Variants in GARIN1A observed in about 807,000 individuals in gnomAD.
The protein encoded by GARIN1A is golgi associated RAB2 interactor 1A.
At chr7:128,679,551 C>T in the GARIN1A span, among the ~76,000 whole-genome samples, 2 of 152,098 alleles carry the variant, frequency 1.3e-5, no homozygotes. Flanking sequence ...CAAATATTTC[C>T]TCAAGTATTT....
chr7:128,694,333 A>ACTAGC, the GARIN1A span, among the ~76,000 whole-genome samples: 1 of 152,124 alleles, frequency 6.6e-6, no homozygotes, highest in Non-Finnish European at 1.5e-5. Context: ...GGAGTTCAAG[A>ACTAGC]CTAGCCTAGC....
At chr7:128,689,521 CGCCCCG>C in the GARIN1A span, among the ~76,000 whole-genome samples, 32 of 151,244 alleles carry the variant, frequency 2.1e-4, no homozygotes, top group African/African-American at 6.6e-4. Flanking sequence ...GCCCGGCAGC[CGCCCCG>C]TCTGAGAAGT....
the GARIN1A span, among the ~76,000 whole-genome samples, chr7:128,675,347 G>T: frequency 2.6e-5 from 4 of 152,282 alleles, no homozygotes; most frequent in African/African-American, 9.6e-5. Flanking sequence ...CTAGAAACCA[G>T]TGCTGGCTTC....
the GARIN1A span, among the ~76,000 whole-genome samples, chr7:128,704,293 ATTAG>A: frequency 6.8e-6 from 1 of 146,772 alleles, no homozygotes; most frequent in African/African-American, 2.5e-5. Flanking sequence ...ATCAGGCATT[ATTAG>A]TTAGAGTAAC....
chr7:128,702,530 C>CATTATAAATTATAA, the GARIN1A span, among the ~76,000 whole-genome samples: 2 of 152,016 alleles, frequency 1.3e-5, no homozygotes, highest in African/African-American at 4.8e-5. Context: ...TGTTTTTATA[C>CATTATAAATTATAA]ATTATAAATA....
At chr7:128,706,368 G>A in the GARIN1A span, among the ~76,000 whole-genome samples, 24 of 152,038 alleles carry the variant, frequency 1.6e-4, no homozygotes, top group Non-Finnish European at 1.5e-5. Context: ...TCCTACTGTG[G>A]TGTCACTGCT....
At chr7:128,699,865 G>A in the GARIN1A span, among the ~76,000 whole-genome samples, 2 of 152,024 alleles carry the variant, frequency 1.3e-5, no homozygotes, top group Non-Finnish European at 2.9e-5. Context: ...TGTCAATTTC[G>A]CTTTATATAG....
chr7:128,683,217 T>C, the GARIN1A span: 6 of 1,343,220 alleles, frequency 4.5e-6, no homozygotes, highest in South Asian at 1.4e-5. Context: ...CCTCTTATAA[T>C]GCTCCTTTTC....
chr7:128,689,151 C>T, the GARIN1A span, among the ~76,000 whole-genome samples: 1 of 152,128 alleles, frequency 6.6e-6, no homozygotes, highest in Middle Eastern at 3.2e-3. Context: ...CGGCTCGCTA[C>T]AACCTCCACC....
chr7:128,708,867 C>G, the GARIN1A span, among the ~76,000 whole-genome samples: 1 of 152,292 alleles, frequency 6.6e-6, no homozygotes, highest in Non-Finnish European at 1.5e-5. Context: ...ATCAATATCC[C>G]TCATCCTTAA....
the GARIN1A span, among the ~76,000 whole-genome samples, chr7:128,673,984 C>G: frequency 5.9e-5 from 9 of 152,202 alleles, no homozygotes; most frequent in Admixed American, 4.6e-4. Context: ...ACCTCTGCCT[C>G]CTGGGTTCAA....
the GARIN1A span, chr7:128,682,964 G>T: frequency 6.3e-7 from 1 of 1,587,612 alleles, no homozygotes; most frequent in Non-Finnish European, 8.6e-7. Flanking sequence ...GCTCCTACAG[G>T]AACAATGACA....
the GARIN1A span, among the ~76,000 whole-genome samples, chr7:128,698,891 C>G: frequency 1.3e-5 from 2 of 152,186 alleles, no homozygotes; most frequent in Non-Finnish European, 2.9e-5. Context: ...CCGGCCAATG[C>G]CCCTCATTAT....
chr7:128,672,641 C>G, the GARIN1A span: 3 of 200,280 alleles, frequency 1.5e-5, no homozygotes, highest in South Asian at 7.0e-5. Flanking sequence ...CTTTTAAAGC[C>G]CTGGGGGAGG....
chr7:128,672,403 TA>T, the GARIN1A span: 2 of 1,606,414 alleles, frequency 1.2e-6, no homozygotes, highest in Admixed American at 3.4e-5. Flanking sequence ...AACCAATGAG[TA>T]AAATCAGGGG....
the GARIN1A span, among the ~76,000 whole-genome samples, chr7:128,673,423 C>T: frequency 2.0e-5 from 3 of 152,164 alleles, no homozygotes. Flanking sequence ...CCAGAAGGGT[C>T]TTAAGCCATT....
the GARIN1A span, chr7:128,682,882 T>G: frequency 8.8e-7 from 1 of 1,130,336 alleles, no homozygotes; most frequent in Non-Finnish European, 1.2e-6. Flanking sequence ...CAGCTGAAAG[T>G]GGTTTTTAAG....
At chr7:128,708,212 A>G in the GARIN1A span, among the ~76,000 whole-genome samples, 1 of 146,670 alleles carries the variant, frequency 6.8e-6, no homozygotes, top group East Asian at 2.0e-4. Flanking sequence ...TTTTTAGTAG[A>G]GACAAGTTCT....
the GARIN1A span, among the ~76,000 whole-genome samples, chr7:128,678,306 C>T: frequency 2.6e-5 from 4 of 152,026 alleles, no homozygotes; most frequent in African/African-American, 9.7e-5. Context: ...CAGGTGTGAA[C>T]CTCTGTGCCT....
Sources: gnomAD v4.1 joint callset for allele counts (sites outside exome capture counted in the v4.1 genomes callset) on GRCh38, gnomAD v4.1.1 for gene constraint, MANE v1.5 for transcripts, NCBI Gene and HGNC (gene_info 2026-07-23, HGNC 2026-07-21) for gene names.